The following TMEM132D variants were observed in gnomAD, a reference collection of about 807,000 sequenced individuals.
TMEM132D encodes the protein mature OL transmembrane protein.
Under a neutral mutation model 62.3 loss-of-function variants are expected in TMEM132D, and 21 were observed. The ratio of observed to expected loss-of-function variants is 0.34; its 90% CI spans 0.24 to 0.49. The LOEUF (loss-of-function observed/expected upper bound fraction) is 0.49, where lower values mean the gene tolerates loss of function less well. TMEM132D is among the 20% of genes least tolerant of loss of function. The pLI is 0.99. For missense variants in TMEM132D, 1,346 were observed against 1,402.8 expected, an observed-to-expected ratio of 0.96 and a Z score of 0.65; for synonymous variants, 621 against 575.6, an observed-to-expected ratio of 1.08 and a Z score of -1.13.
At chr12:129,667,062 T>C (rs1179716298) in intron 2 of TMEM132D, among the ~76,000 whole-genome samples, 1 of 152,130 alleles carries the variant, frequency 6.6e-6, no homozygotes, top group Non-Finnish European at 1.5e-5. Context: ...ATTATTTAGG[T>C]TTTTTCCATA....
intron 5 of TMEM132D, among the ~76,000 whole-genome samples, chr12:129,142,942 G>A (rs1433336156): frequency 2.6e-5 from 4 of 151,972 alleles, no homozygotes; most frequent in Non-Finnish European, 4.4e-5. Flanking sequence ...TGTGGTCTAC[G>A]TAGGAAAAAA....
chr12:129,627,228 A>G (rs936439448), intron 2 of TMEM132D, among the ~76,000 whole-genome samples: 2 of 152,210 alleles, frequency 1.3e-5, no homozygotes, highest in African/African-American at 4.8e-5. Context: ...CAGACCGCCT[A>G]TATGATGGTG....
At chr12:129,886,136 A>G (rs1874742511) in intron 1 of TMEM132D, among the ~76,000 whole-genome samples, 1 of 152,254 alleles carries the variant, frequency 6.6e-6, no homozygotes, top group African/African-American at 2.4e-5. Context: ...AGGTAAATAC[A>G]TATATAACAC....
intron 4 of TMEM132D, among the ~76,000 whole-genome samples, chr12:129,230,896 A>G (rs1879619859): frequency 1.3e-5 from 2 of 152,188 alleles, no homozygotes; most frequent in Admixed American, 1.3e-4. Flanking sequence ...CCATGAGATC[A>G]TTGGGTTAGC....
chr12:129,568,821 T>C (rs1314035744), intron 2 of TMEM132D, among the ~76,000 whole-genome samples: 4 of 152,316 alleles, frequency 2.6e-5, no homozygotes, highest in South Asian at 2.1e-4. Context: ...CATTCAACCA[T>C]AGATTTCTAC....
chr12:129,623,674 C>CAT (rs1455664876), intron 2 of TMEM132D, among the ~76,000 whole-genome samples: 2 of 108,058 alleles, frequency 1.9e-5, no homozygotes, highest in African/African-American at 3.1e-5. Flanking sequence ...CATATATATA[C>CAT]ACATATATAT....
rs141958211 is a variant in TMEM132D at position 129,101,693 on chromosome 12, T to C, written c.1444-16991A>G. Among the ~76,000 whole-genome samples the C allele has an allele frequency of 3.9e-3, 591 of 152,292 alleles. 6 individuals are homozygous for C. The highest frequency in any genetic ancestry group is 0.014 in the African/African-American group (566 of 41,562). On this transcript the variant is annotated intron_variant, in intron 5 of 8. Transcript: ENST00000422113. ...GCTTTCTCACTCCAAGGTAGTTGCT[T>C]GTTTCATTACCTGATGCTGTTTTTT...
At chr12:129,348,730 TAAAGA>T (rs913710068) in intron 3 of TMEM132D, among the ~76,000 whole-genome samples, 2 of 151,804 alleles carry the variant, frequency 1.3e-5, no homozygotes, top group East Asian at 1.9e-4. Context: ...TAAAATAAAA[TAAAGA>T]AAAGAAAACT....
chr12:129,361,969 A>G (rs904917927), intron 3 of TMEM132D, among the ~76,000 whole-genome samples: 1 of 152,222 alleles, frequency 6.6e-6, no homozygotes, highest in East Asian at 1.9e-4. Context: ...AAATCAATCA[A>G]AATTGAAGGA....
chr12:129,264,136 C>G (rs76305831), intron 4 of TMEM132D, among the ~76,000 whole-genome samples: 3,013 of 152,276 alleles, frequency 0.02, 108 homozygotes, highest in African/African-American at 0.069. Flanking sequence ...TGCCTCTAAT[C>G]CCAGCACTTT....
At chr12:129,775,893 C>T (rs1364277154) in intron 1 of TMEM132D, among the ~76,000 whole-genome samples, 2 of 152,048 alleles carry the variant, frequency 1.3e-5, no homozygotes, top group African/African-American at 4.8e-5. Flanking sequence ...CTCTATCAAT[C>T]GTCTATCAAT....
Position 129,074,379 on chromosome 12 carries a change from C to T in TMEM132D, c.2796G>A (p.Leu932=), listed in dbSNP as rs145494793. 3.7e-6 allele frequency: 6 copies of T among 1,613,796 alleles called. No individual in the cohort carries two copies. The African/African-American group carries it at 8.0e-5, about 22-fold the overall frequency. The change falls in exon 9 of 9, where the codon TTG becomes TTA. Residue 932 remains leucine (L), a synonymous_variant. Coordinates refer to ENST00000422113, the MANE Select transcript of TMEM132D (RefSeq NM_133448.3). ...ALLGVFCLAI[L]VFLINCVTFA... is the part of the protein sequence containing the mutation. ...AGGTCACACAGTTTATCAAGAAGAC[C>T]AAAATGGCCAAACAGAAGACTCCCA...
intron 4 of TMEM132D, among the ~76,000 whole-genome samples, chr12:129,326,030 G>A (rs574933386): frequency 6.6e-5 from 10 of 152,280 alleles, no homozygotes; most frequent in South Asian, 2.1e-4. Flanking sequence ...CTACACCATC[G>A]GGAGGCTTCG....
At chr12:129,119,248 C>G (rs555195250) in intron 5 of TMEM132D, among the ~76,000 whole-genome samples, 1 of 152,208 alleles carries the variant, frequency 6.6e-6, no homozygotes, top group African/African-American at 2.4e-5. Flanking sequence ...CGTAGATATA[C>G]TGTGTAGTGC....
intron 3 of TMEM132D, among the ~76,000 whole-genome samples, chr12:129,480,482 C>T (rs905198753): frequency 2.6e-5 from 4 of 152,158 alleles, no homozygotes; most frequent in Admixed American, 6.6e-5. Flanking sequence ...CTTGGTCATC[C>T]GGGTGAGTGA....
intron 5 of TMEM132D, among the ~76,000 whole-genome samples, chr12:129,115,980 C>T (rs1312466558): frequency 6.6e-6 from 1 of 152,242 alleles, no homozygotes; most frequent in Non-Finnish European, 1.5e-5. Context: ...CCAAGGGACA[C>T]ACTCTTTTGT....
At position 129,590,339 on chromosome 12, in the gene TMEM132D, G is replaced by A. The variant is rs115308326; in HGVS notation, c.969-59134C>T. On this transcript the variant is annotated intron_variant, in intron 2 of 8. Transcript: ENST00000422113. ...GACACCGCCACGGCTGGAACAGATC[G>A]CTGCAGCAGGCTTGCCTCCACCAAG... is the stretch of plus-strand genomic sequence containing the variant. Among the ~76,000 whole-genome samples the A allele has an allele frequency of 5.8e-3, 883 of 152,248 alleles. 3 individuals carry two copies. Among genetic ancestry groups the A allele is most frequent in the Non-Finnish European group, 9.0e-3 (611 of 68,024 alleles).
intron 2 of TMEM132D, among the ~76,000 whole-genome samples, chr12:129,585,733 A>C (rs576255813): frequency 6.6e-6 from 1 of 152,294 alleles, no homozygotes; most frequent in East Asian, 1.9e-4. Flanking sequence ...AAAGATGAGA[A>C]ATATAAAAAG....
Position 129,722,719 on chromosome 12 carries a change from T to C in TMEM132D, c.80-22021A>G, listed in dbSNP as rs184258421. 6.2e-3 allele frequency among the ~76,000 whole-genome samples: 924 copies of C among 148,840 alleles called. 8 individuals are homozygous for C. The highest frequency in any genetic ancestry group is 0.02 in the African/African-American group (816 of 40,750). Reference sequence around the variant, plus strand: ...CCATATTCCTGGTTGTTTTCATCAATCCTGGCTCCTTTTTCTTTTTTTCTT... The same window carrying C: ...CCATATTCCTGGTTGTTTTCATCAACCCTGGCTCCTTTTTCTTTTTTTCTT... On this transcript the variant is annotated intron_variant, in intron 1 of 8. Transcript: ENST00000422113.
Sources: gnomAD v4.1 joint callset for allele counts (sites outside exome capture counted in the v4.1 genomes callset) on GRCh38, gnomAD v4.1.1 for gene constraint, MANE v1.5 for transcripts, NCBI Gene and HGNC (gene_info 2026-07-23, HGNC 2026-07-21) for gene names.